Variants in PFAS observed in about 807,000 individuals in gnomAD.
PFAS encodes the protein FGAM synthase.
Under a neutral mutation model 140.6 loss-of-function variants are expected in PFAS, and 97 were observed. The observed-to-expected ratio is 0.69, with a 90% CI of 0.59 to 0.82. The LOEUF is 0.82. Among genes scored for constraint, PFAS ranks in the 40% least tolerant of loss-of-function variants. PFAS has a pLI of 0.00. For synonymous variants in PFAS, 679 were observed against 718.8 expected (o/e 0.94, Z 0.88); for missense variants, 1,656 against 1,780.2 (o/e 0.93, Z 1.26).
chr17:8,257,283 G>A (rs558399895), intron 9 of PFAS, among the ~76,000 whole-genome samples: 1 of 152,188 alleles, frequency 6.6e-6, no homozygotes, highest in African/African-American at 2.4e-5. Context: ...TTGGCTGGGC[G>A]TGGTGGCTCA....
In PFAS at chr17:8,267,101, C is replaced by G. The variant is rs766687316; in HGVS notation, c.3041C>G (p.Thr1014Arg). 2 of 1,613,768 alleles carry G rather than the reference C, an allele frequency of 1.2e-6. No individual in the cohort carries two copies. Among genetic ancestry groups the G allele is most frequent in the South Asian group, 2.2e-5 (2 of 91,054 alleles). Reference sequence around the variant, plus strand: ...GAGCTGCGAGCCCTCTGGGAGGAGACGAGTTTCCAGCTGGACCGGCTACAG... The same window carrying G: ...GAGCTGCGAGCCCTCTGGGAGGAGAGGAGTTTCCAGCTGGACCGGCTACAG... ...VGELRALWEE[T>R]SFQLDRLQAE... is the part of the protein sequence containing the mutation. Residue 1014 changes from threonine to arginine, a missense_variant, in exon 24 of 28, where the codon ACG (threonine) becomes AGG (arginine). By Grantham distance (71) the Thr-to-Arg change is moderately conservative. Coordinates refer to ENST00000314666, the MANE Select transcript of PFAS (RefSeq NM_012393.3). The surrounding 1 kb of genome is among the most constrained non-coding windows in gnomAD (Gnocchi z 4.9).
In PFAS at chr17:8,263,094, C is replaced by T; in HGVS notation, c.1411-15C>T. On this transcript the variant is annotated splice_polypyrimidine_tract_variant and intron_variant, in intron 12 of 27. Transcript: ENST00000314666. The stretch of plus-strand genomic sequence containing the variant: ...CCAGTCTCGCTGAGCTGAGCTATGC[C>T]ATATATGCCCCCAGGTGCAGGGAGA... 6.2e-7 allele frequency: 1 copy of T among 1,613,672 alleles called. No individual in the cohort carries two copies. Among genetic ancestry groups the T allele is most frequent in the Non-Finnish European group, 8.5e-7 (1 of 1,179,588 alleles).
rs368178589 is a variant in PFAS, at chr17:8,258,113, G to A, written c.1250G>A (p.Arg417Gln). 113 of 1,613,994 alleles carry A rather than the reference G, an allele frequency of 7.0e-5. No homozygotes were observed. The highest frequency in any genetic ancestry group is 6.9e-4 in the African/African-American group (52 of 74,914). The stretch of plus-strand genomic sequence containing the variant: ...GGCCTCCAGCTCCCAGACGGCCAGC[G>A]GCGTGAGTGGATCAAGCCCATCATG... Reference protein sequence around the residue: ...SLGLQLPDGQRREWIKPIMFS... With the variant: ...SLGLQLPDGQQREWIKPIMFS... The change falls in exon 11 of 28, where the codon CGG becomes CAG. Residue 417 changes from arginine to glutamine, a missense_variant. Arg to Gln is a conservative substitution (Grantham distance 43). Around this residue, in one of 2 missense-constraint regions of PFAS, gnomAD observed 773 missense variants for 757.3 expected, o/e 1.02. Transcript: ENST00000314666.
Position 8,266,065 on chromosome 17 carries a change from A to T in PFAS, c.2701+48A>T. The T allele has an allele frequency of 6.4e-7, 1 of 1,555,374 alleles. No homozygotes were observed. The highest frequency in any genetic ancestry group is 2.3e-5 in the East Asian group (1 of 44,386). On this transcript the variant is annotated intron_variant, in intron 21 of 27. Coordinates refer to ENST00000314666, the MANE Select transcript of PFAS (RefSeq NM_012393.3). This position sits in a 1 kb window ranked among gnomAD's most constrained non-coding sequence, Gnocchi z 5.0. ...ATAGCGCACAGGGTGCCAGGCGTGC[A>T]GCAGGCGTTCACCATCTGAGCAGTG...
In PFAS at chr17:8,263,244, G is replaced by T. The variant is rs757271254; in HGVS notation, c.1546G>T (p.Asp516Tyr). ...GGGAAACCCCATCTGCAGCCTTCAT[G>T]ATCAGGGCGCTGGTGGCAATGGTGA... Reference protein sequence around the residue: ...PKGNPICSLHDQGAGGNGNVL... With the variant: ...PKGNPICSLHYQGAGGNGNVL... Residue 516 changes from aspartate to tyrosine, a missense_variant, in exon 13 of 28, where the codon GAT (aspartate) becomes TAT (tyrosine). Around this residue, in one of 2 missense-constraint regions of PFAS, gnomAD observed 773 missense variants for 757.3 expected, o/e 1.02. Transcript: ENST00000314666. 1.9e-6 allele frequency: 3 copies of T among 1,614,206 alleles called. No homozygotes were observed. The highest frequency in any genetic ancestry group is 2.5e-6 in the Non-Finnish European group (3 of 1,180,046).
intron 13 of PFAS, 56 bp downstream of exon 13, chr17:8,263,321 C>T (rs1989670858): frequency 3.2e-6 from 5 of 1,583,036 alleles, no homozygotes; most frequent in Non-Finnish European, 1.7e-6. Flanking sequence ...TGCCAGGTTT[C>T]GTTTAGGGAG....
Position 8,266,242 on chromosome 17 carries a change from C to G in PFAS, c.2710C>G (p.Leu904Val). ...TCTTCTCCTTCCTCCAGACCGCCTC[C>G]TCTGCTCAGGCCACGATGTCAGTGA... Reference protein sequence around the residue: ...ITQGLLKDRLLCSGHDVSDGG... With the variant: ...ITQGLLKDRLVCSGHDVSDGG... Residue 904 changes from leucine to valine, a missense_variant, in exon 22 of 28, where the codon CTC becomes GTC. Around this residue, in one of 2 missense-constraint regions of PFAS, gnomAD observed 883 missense variants for 1,023.0 expected, o/e 0.86. Coordinates refer to ENST00000314666, the MANE Select transcript of PFAS (RefSeq NM_012393.3). The surrounding 1 kb of genome is among the most constrained non-coding windows in gnomAD (Gnocchi z 5.0). The G allele has an allele frequency of 1.2e-6, 2 of 1,614,070 alleles. No homozygotes were observed. The highest frequency in any genetic ancestry group is 1.7e-6 in the Non-Finnish European group (2 of 1,179,970).
chr17:8,255,964 C>T (rs1220416715), intron 6 of PFAS, 54 bp downstream of exon 6: 1 of 1,330,652 alleles, frequency 7.5e-7, no homozygotes, highest in Non-Finnish European at 1.1e-6. Context: ...TTGGGAGAGA[C>T]CACAGGGGCT....
chr17:8,257,213 A>T (rs1449552253), intron 9 of PFAS, among the ~76,000 whole-genome samples: 1 of 152,150 alleles, frequency 6.6e-6, no homozygotes, highest in African/African-American at 2.4e-5. Context: ...AAAGCATGAT[A>T]TTGGGTTGGT....
In PFAS at chr17:8,267,355, A is replaced by G; in HGVS notation, c.3176-17A>G. ...GGAAGTGACTTTCTGGCCCAAAGAC[A>G]CTTATTCTCCCCCAAGGTGGTCCCA... is the stretch of plus-strand genomic sequence containing the variant. On this transcript the variant is annotated splice_polypyrimidine_tract_variant and intron_variant, in intron 24 of 27. Transcript: ENST00000314666. This position sits in a 1 kb window ranked among gnomAD's most constrained non-coding sequence, Gnocchi z 4.9. 2 of 1,612,156 alleles carry G rather than the reference A, an allele frequency of 1.2e-6. No homozygotes were observed. The highest frequency in any genetic ancestry group is 1.7e-6 in the Non-Finnish European group (2 of 1,178,538).
At position 8,255,049 on chromosome 17, in the gene PFAS, T is replaced by A; in HGVS notation, c.301T>A (p.Ser101Thr). ...CAGGCTGAACTTCTCCACCCCAACA[T>A]CCACCAACATCGTGTCAGTGTGCCG... ...GPRLNFSTPT[S>T]TNIVSVCRAT... is the part of the protein sequence containing the mutation. Residue 101 changes from serine (S) to threonine (T), a missense_variant, in exon 4 of 28, where the codon TCC becomes ACC. By Grantham distance (58) the Ser-to-Thr change is moderately conservative. Coordinates refer to ENST00000314666, the MANE Select transcript of PFAS (RefSeq NM_012393.3). 1 of 1,613,798 alleles carries A rather than the reference T, an allele frequency of 6.2e-7. No homozygotes were observed. Among genetic ancestry groups the A allele is most frequent in the South Asian group, 1.1e-5 (1 of 91,066 alleles).
In PFAS at chr17:8,268,740, A is replaced by G; in HGVS notation, c.3590A>G (p.Asn1197Ser). ...PARPGLLLRH[N>S]LSGRYESRWA... ...CGGCCAGGCCTTCTGCTACGCCACA[A>G]CCTGTCTGGGCGCTACGAGTCTCGC... The change falls in exon 27 of 28, where the codon AAC (asparagine) becomes AGC (serine). Residue 1197 changes from asparagine to serine, a missense_variant. By Grantham distance (46) the Asn-to-Ser change is conservative (BLOSUM62 1). This residue lies in a region of PFAS where 883 missense variants were observed against 1,023.0 expected (regional missense o/e 0.86). Coordinates refer to ENST00000314666, the MANE Select transcript of PFAS (RefSeq NM_012393.3). The G allele has an allele frequency of 6.2e-7, 1 of 1,612,534 alleles. No individual in the cohort carries two copies. Among genetic ancestry groups the G allele is most frequent in the Non-Finnish European group, 8.5e-7 (1 of 1,179,802 alleles).
chr17:8,248,020 G>C, upstream of PFAS: 2 of 1,464,598 alleles, frequency 1.4e-6, no homozygotes, highest in Non-Finnish European at 1.8e-6. Context: ...AGGGACCTGG[G>C]CCCGGCCAGC....
Position 8,254,050 on chromosome 17 carries a change from C to G in PFAS, c.113C>G (p.Thr38Ser). Residue 38 changes from threonine (T) to serine (S), a missense_variant, in exon 2 of 28, where the codon ACT becomes AGT. Thr to Ser is a moderately conservative substitution (Grantham distance 58). Transcript: ENST00000314666. ...GKLPELQGVE[T>S]ELCYNVNWTA... Reference sequence around the variant, plus strand: ...CTGCCAGAGCTGCAGGGCGTCGAGACTGAACTGTGCTACAACGTGAACTGG... The same window carrying G: ...CTGCCAGAGCTGCAGGGCGTCGAGAGTGAACTGTGCTACAACGTGAACTGG... The G allele has an allele frequency of 3.7e-6, 6 of 1,614,168 alleles. No homozygotes were observed. Among genetic ancestry groups the G allele is most frequent in the Non-Finnish European group, 5.1e-6 (6 of 1,180,018 alleles).
intron 8 of PFAS, 63 bp from the exon 9 acceptor site, chr17:8,256,772 G>C: frequency 3.2e-6 from 5 of 1,554,600 alleles, no homozygotes; most frequent in Non-Finnish European, 4.3e-6. Context: ...TTTCAGTGGG[G>C]GTGGTCAGAG....
At chr17:8,254,587 G>C (rs550116631) in intron 3 of PFAS, among the ~76,000 whole-genome samples, 1 of 152,132 alleles carries the variant, frequency 6.6e-6, no homozygotes, top group African/African-American at 2.4e-5. Context: ...GGCAGATCAC[G>C]AGATCAGGAG....
chr17:8,268,958 C>T lies in PFAS; in HGVS notation c.3711C>T (p.Tyr1237=), dbSNP rs756366316. 11 of 1,613,978 alleles carry T rather than the reference C, an allele frequency of 6.8e-6. No individual in the cohort carries two copies. The highest frequency in any genetic ancestry group is 3.3e-5 in the South Asian group (3 of 91,084). ...LPVWSAHGEG[Y]VAFSSPELQA... ...TCCCTCCTCCTTCCATCCCAGGTTA[C>T]GTAGCATTTTCTTCTCCGGAACTCC... The change falls in exon 28 of 28, where the codon TAC becomes TAT. Residue 1237 remains tyrosine (Y), a synonymous_variant. Transcript: ENST00000314666.
At chr17:8,250,342 G>A (rs892002384) in intron 1 of PFAS, among the ~76,000 whole-genome samples, 2 of 151,518 alleles carry the variant, frequency 1.3e-5, no homozygotes, top group Non-Finnish European at 2.9e-5. Flanking sequence ...TGGTCAGGAG[G>A]TTAATGCATT....
chr17:8,253,157 G>C lies in PFAS; in HGVS notation c.-79-702G>C, dbSNP rs561809058. 5.3e-5 allele frequency among the ~76,000 whole-genome samples: 8 copies of C among 152,264 alleles called. No homozygotes were observed. The East Asian group carries it at 1.3e-3, about 26-fold the overall frequency. ...TCCTGACACCTGAAGTGCAGGATTG[G>C]TGTCCACAGTCCCCTGACCTTCACC... On this transcript the variant is annotated intron_variant, in intron 1 of 27. Transcript: ENST00000314666.
Sources: allele counts gnomAD v4.1 joint callset (sites outside exome capture counted in the v4.1 genomes callset), GRCh38; gene constraint gnomAD v4.1.1; regional missense constraint gnomAD v4.1.1; non-coding constraint Gnocchi (gnomAD v3.1); transcripts MANE v1.5; gene names NCBI Gene and HGNC (gene_info 2026-07-23, HGNC 2026-07-21).